The following GPC6 variants were observed in gnomAD, a reference collection of about 807,000 sequenced individuals.
GPC6 encodes glypican 6, also known as glypican-6.
GPC6 carries 14 observed loss-of-function variants against 55.2 expected under a neutral mutation model. The observed-to-expected ratio is 0.25, with a 90% CI of 0.17 to 0.40. GPC6 has a LOEUF of 0.40. GPC6 is among the 10% of genes least tolerant of loss of function. The pLI is 1.00. For missense variants in GPC6, 641 were observed against 708.5 expected (o/e 0.90, Z 1.08); for synonymous variants, 278 against 259.6 (o/e 1.07, Z -0.68).
chr13:93,702,581 G>C (rs182834739), intron 2 of GPC6, among the ~76,000 whole-genome samples: 1 of 152,014 alleles, frequency 6.6e-6, no homozygotes, highest in African/African-American at 2.4e-5. Context: ...GTCCTCGATG[G>C]CATCTCTTTC....
At chr13:94,027,621 C>T in intron 3 of GPC6, 108 bp from the exon 4 acceptor site, 1 of 960,478 alleles carries the variant, frequency 1.0e-6, no homozygotes, top group Non-Finnish European at 1.7e-6. Context: ...TCAGTAATTA[C>T]AAAGGGTTAA....
chr13:94,266,327 T>TGC (rs1891810242), intron 4 of GPC6, among the ~76,000 whole-genome samples: 1 of 151,922 alleles, frequency 6.6e-6, no homozygotes, highest in Non-Finnish European at 1.5e-5. Flanking sequence ...CGCCACCACT[T>TGC]CTGGCTAATT....
chr13:93,884,327 G>C (rs1034331172), intron 3 of GPC6, among the ~76,000 whole-genome samples: 20 of 152,018 alleles, frequency 1.3e-4, no homozygotes, highest in Admixed American at 1.3e-3. Flanking sequence ...AGAATATGTA[G>C]AATGCAAGTT....
At chr13:94,378,642 G>A (rs557507105) in intron 6 of GPC6, among the ~76,000 whole-genome samples, 4 of 152,140 alleles carry the variant, frequency 2.6e-5, no homozygotes, top group African/African-American at 7.2e-5. Flanking sequence ...TCCTAAAAGA[G>A]GGCTCATGTT....
intron 4 of GPC6, among the ~76,000 whole-genome samples, chr13:94,179,464 T>C (rs1320500145): frequency 1.3e-5 from 2 of 152,166 alleles, no homozygotes; most frequent in Non-Finnish European, 2.9e-5. Context: ...CTGCTTTATG[T>C]TTTTTTCAAT....
chr13:93,814,470 G>A (rs59652531), intron 2 of GPC6, among the ~76,000 whole-genome samples: 1 of 152,148 alleles, frequency 6.6e-6, no homozygotes, highest in East Asian at 1.9e-4. Context: ...AGTACATTAG[G>A]TATGACTTAA....
At chr13:93,274,974 G>T (rs1223472996) in intron 1 of GPC6, among the ~76,000 whole-genome samples, 1 of 152,164 alleles carries the variant, frequency 6.6e-6, no homozygotes, top group East Asian at 1.9e-4. Flanking sequence ...AAGGATTTAT[G>T]GTTAGACACT....
chr13:93,799,284 C>A (rs1886297624), intron 2 of GPC6, among the ~76,000 whole-genome samples: 1 of 152,110 alleles, frequency 6.6e-6, no homozygotes, highest in South Asian at 2.1e-4. Flanking sequence ...TTCATGAACT[C>A]CCCCCTAATT....
rs1003743377 is a variant in GPC6, at chr13:94,259,698, T to C, written c.878-26651T>C. Among the ~76,000 whole-genome samples, 5 of 152,328 alleles carry C rather than the reference T, an allele frequency of 3.3e-5. No individual in the cohort carries two copies. The South Asian group carries it at 1.0e-3, about 32-fold the overall frequency. ...TTTTGGTACCTGGCAATGGCCACTC[T>C]ATTTCCTATCTCTATGAATCTGCCT... is the stretch of plus-strand genomic sequence containing the variant. On this transcript the variant is annotated intron_variant, in intron 4 of 8. Transcript: ENST00000377047.
At chr13:93,527,117 G>A (rs916693438) in intron 1 of GPC6, among the ~76,000 whole-genome samples, 1 of 151,574 alleles carries the variant, frequency 6.6e-6, no homozygotes, top group Non-Finnish European at 1.5e-5. Flanking sequence ...ATGTTATTTT[G>A]ATATACATAT....
rs541460083 is a variant in GPC6 at position 94,403,601 on chromosome 13, C to T, written c.*384C>T. ...AAGAAAATAATTTTCCTTGTAAAAT[C>T]GGGCCAAACCCCAAGACAGCTACAT... On this transcript the variant is annotated 3_prime_UTR_variant, in exon 9 of 9. Transcript: ENST00000377047. 17 of 270,754 alleles carry T rather than the reference C, an allele frequency of 6.3e-5. No individual in the cohort carries two copies. The highest frequency in any genetic ancestry group is 5.6e-4 in the South Asian group (13 of 23,386). The allele number at this position is 270,754 out of a possible 1,614,324, so 16.8% of individuals were successfully genotyped here.
At chr13:93,730,395 T>C (rs998482540) in intron 2 of GPC6, among the ~76,000 whole-genome samples, 1 of 152,206 alleles carries the variant, frequency 6.6e-6, no homozygotes, top group African/African-American at 2.4e-5. Flanking sequence ...CACTTGCTTT[T>C]TGATTTTCAA....
chr13:93,745,526 C>A (rs1358078247), intron 2 of GPC6, among the ~76,000 whole-genome samples: 1 of 152,148 alleles, frequency 6.6e-6, no homozygotes, highest in African/African-American at 2.4e-5. Context: ...TACCAAATTA[C>A]AGACAGTCCA....
intron 1 of GPC6, among the ~76,000 whole-genome samples, chr13:93,297,485 G>T (rs1878533922): frequency 6.6e-6 from 1 of 152,110 alleles, no homozygotes; most frequent in African/African-American, 2.4e-5. Flanking sequence ...AAAGAAATTA[G>T]CTGAGTGTGT....
At chr13:93,948,916 C>T (rs182790947) in intron 3 of GPC6, among the ~76,000 whole-genome samples, 11 of 152,274 alleles carry the variant, frequency 7.2e-5, no homozygotes, top group African/African-American at 2.6e-4. Flanking sequence ...ATTAATCCCC[C>T]TTCATTGCAA....
chr13:93,809,251 C>T (rs1244136180), intron 2 of GPC6, among the ~76,000 whole-genome samples: 1 of 152,152 alleles, frequency 6.6e-6, no homozygotes, highest in East Asian at 1.9e-4. Flanking sequence ...ATAGAGTTCC[C>T]AGGATCAGTG....
At chr13:93,707,139 A>G (rs1229441377) in intron 2 of GPC6, among the ~76,000 whole-genome samples, 1 of 151,770 alleles carries the variant, frequency 6.6e-6, no homozygotes, top group Non-Finnish European at 1.5e-5. Flanking sequence ...AAAATCTATC[A>G]TTTCCATAGT....
At chr13:93,658,107 T>C (rs1045265503) in intron 2 of GPC6, among the ~76,000 whole-genome samples, 1 of 151,984 alleles carries the variant, frequency 6.6e-6, no homozygotes, top group Non-Finnish European at 1.5e-5. Context: ...AGTGTAACAT[T>C]TGATGAGTTT....
chr13:94,146,062 G>A (rs495705), intron 4 of GPC6, among the ~76,000 whole-genome samples: 66,445 of 152,032 alleles, frequency 0.44, 16,386 homozygotes, highest in Admixed American at 0.58. Context: ...TCAAAACTGC[G>A]TAAACTTATG....
Sources: allele counts gnomAD v4.1 joint callset (sites outside exome capture counted in the v4.1 genomes callset), GRCh38; gene constraint gnomAD v4.1.1; transcripts MANE v1.5; gene names NCBI Gene and HGNC (gene_info 2026-07-23, HGNC 2026-07-21).